PRSS55: variants seen among roughly 807,000 people sequenced by gnomAD.
The protein encoded by PRSS55 is probable serine protease UNQ9391/PRO34284.
Under a neutral mutation model 23.6 loss-of-function variants are expected in PRSS55, and 41 were observed. The observed-to-expected ratio is 1.74, with a 90% CI of 1.35 to 2.26. The LOEUF is 2.26. Among genes scored for constraint, PRSS55 ranks in the 30% most tolerant of loss-of-function variants. PRSS55 has a pLI of 0.00. For missense variants in PRSS55, 669 were observed against 439.1 expected (o/e 1.52, Z -4.68); for synonymous variants, 262 against 175.5 (o/e 1.49, Z -3.90).
rs1813003847 is a variant in PRSS55, at chr8:10,553,885, A to G, written c.742-58A>G. The G allele has an allele frequency of 9.3e-6, 11 of 1,188,004 alleles. No individual in the cohort carries two copies. In the South Asian group the frequency reaches 1.4e-4, roughly 16 times the overall value. The allele number at this position is 1,188,004 out of a possible 1,614,324, so 73.6% of individuals were successfully genotyped here. A position where few individuals can be genotyped will look rare whatever the true frequency, so the allele number is the denominator to read the frequency against. Reference sequence around the variant, plus strand: ...ATGTATACATAAATCAAAGCACCACATTGTACAATAAATACATAAAATTTT... The same window carrying G: ...ATGTATACATAAATCAAAGCACCACGTTGTACAATAAATACATAAAATTTT... On this transcript the variant is annotated intron_variant, in intron 4 of 4. Transcript: ENST00000522210.
At chr8:10,527,877 G>C (rs745597096) in intron 1 of PRSS55, among the ~76,000 whole-genome samples, 7 of 152,350 alleles carry the variant, frequency 4.6e-5, no homozygotes, top group African/African-American at 1.7e-4. Flanking sequence ...CGCACAGTAA[G>C]CATCATATGT....
chr8:10,547,413 C>G (rs1585895083), intron 4 of PRSS55: 2 of 152,512 alleles, frequency 1.3e-5, no homozygotes, highest in African/African-American at 4.8e-5. Flanking sequence ...CTAGACTTAT[C>G]CCCACCCCGC....
At position 10,531,391 on chromosome 8, in the gene PRSS55, T is replaced by A. The variant is rs544801985; in HGVS notation, c.444T>A (p.Phe148Leu). ...EVASIILHKD[F>L]KRANMDNDIA... The stretch of plus-strand genomic sequence containing the variant: ...CCAGCATCATTCTTCACAAAGACTT[T>A]AAGAGAGCCAACATGGACAATGACA... The change falls in exon 3 of 5, where the codon TTT becomes TTA. Residue 148 changes from phenylalanine to leucine, a missense_variant. Phe to Leu is a conservative substitution (Grantham distance 22, BLOSUM62 0). Coordinates refer to ENST00000328655, the MANE Select transcript of PRSS55 (RefSeq NM_198464.4). 1.7e-5 allele frequency: 27 copies of A among 1,614,230 alleles called. No individual in the cohort carries two copies. The South Asian group carries it at 3.0e-4, about 18-fold the overall frequency.
At chr8:10,540,389 G>C (rs1386916202), downstream of PRSS55, 2 of 152,242 alleles carry the variant, frequency 1.3e-5, no homozygotes, top group Non-Finnish European at 2.9e-5. Flanking sequence ...CCTACAGCCT[G>C]GCTGAGTGTT....
chr8:10,550,315 C>A (rs1413315876), intron 4 of PRSS55, among the ~76,000 whole-genome samples: 1 of 152,180 alleles, frequency 6.6e-6, no homozygotes, highest in Non-Finnish European at 1.5e-5. Context: ...GAACTCCCAG[C>A]TCCTGAAATG....
At chr8:10,551,141 C>T (rs571980660) in intron 4 of PRSS55, among the ~76,000 whole-genome samples, 1 of 152,308 alleles carries the variant, frequency 6.6e-6, no homozygotes, top group Admixed American at 6.5e-5. Context: ...GAAGGATATC[C>T]TTTAAAAGCT....
downstream of PRSS55, among the ~76,000 whole-genome samples, chr8:10,542,957 T>C (rs1193776239): frequency 6.6e-6 from 1 of 152,048 alleles, no homozygotes; most frequent in African/African-American, 2.4e-5. Context: ...GTGGCTGTTT[T>C]GTCTGCTCTG....
rs904188552 is a variant in PRSS55 at position 10,532,808 on chromosome 8, G to C, written c.599-98G>C. ...AGAGCCTGTGAAGGAAGGGGATGGG[G>C]GCTGGGGGACACAGGGCCGAGGGCA... On this transcript the variant is annotated intron_variant, in intron 3 of 4. Coordinates refer to ENST00000328655, the MANE Select transcript of PRSS55 (RefSeq NM_198464.4). 7 of 1,479,560 alleles carry C rather than the reference G, an allele frequency of 4.7e-6. No individual in the cohort carries two copies. The East Asian group carries it at 1.1e-4, about 24-fold the overall frequency. 91.7% of individuals were successfully genotyped at this position (1,479,560 alleles called of 1,614,324 possible).
chr8:10,545,566 G>C (rs963481300), intron 4 of PRSS55, among the ~76,000 whole-genome samples: 1 of 152,178 alleles, frequency 6.6e-6, no homozygotes, highest in African/African-American at 2.4e-5. Context: ...CACTTCAGAA[G>C]CATTTCCCTA....
intron 2 of PRSS55, among the ~76,000 whole-genome samples, chr8:10,530,238 G>A (rs971278433): frequency 6.6e-6 from 1 of 152,260 alleles, no homozygotes; most frequent in Non-Finnish European, 1.5e-5. Context: ...GGGAGGCTGA[G>A]GCAGGTGGAT....
intron 4 of PRSS55, 28 bp from the exon 5 acceptor site, chr8:10,538,448 C>A: frequency 6.4e-7 from 1 of 1,553,854 alleles, no homozygotes; most frequent in Non-Finnish European, 8.8e-7. Context: ...AACCGGACTC[C>A]CTGCTGAGCT....
intron 4 of PRSS55, among the ~76,000 whole-genome samples, chr8:10,533,523 T>C (rs900419641): frequency 2.0e-5 from 3 of 152,224 alleles, no homozygotes; most frequent in African/African-American, 7.2e-5. Context: ...GGGTGTTGCA[T>C]GTGGGTTTCA....
At chr8:10,543,570 T>C (rs556304742), downstream of PRSS55, among the ~76,000 whole-genome samples, 1 of 151,536 alleles carries the variant, frequency 6.6e-6, no homozygotes, top group South Asian at 2.1e-4. Flanking sequence ...TGTCCCTATC[T>C]TCCCCTTTCC....
intron 4 of PRSS55, among the ~76,000 whole-genome samples, chr8:10,537,740 ATTAATT>A (rs557851371): frequency 3.9e-5 from 6 of 152,360 alleles, no homozygotes; most frequent in Non-Finnish European, 7.3e-5. Context: ...ACCCATAATA[ATTAATT>A]TAAAATTAAT....
In PRSS55 at chr8:10,529,519, G is replaced by C. The variant is rs377144084; in HGVS notation, c.167G>C (p.Arg56Thr). ...PPSPVSECGD[R>T]SIFEGRTRYS... ...TTCTTTCCACCAGAATGTGGTGACA[G>C]ATCTATTTTCGAGGGAAGAACTCGG... Residue 56 changes from arginine (R) to threonine (T), a missense_variant, in exon 2 of 5, where the codon AGA becomes ACA. Coordinates refer to ENST00000328655, the MANE Select transcript of PRSS55 (RefSeq NM_198464.4). 6.2e-7 allele frequency: 1 copy of C among 1,614,180 alleles called. No homozygotes were observed. Among genetic ancestry groups the C allele is most frequent in the Non-Finnish European group, 8.5e-7 (1 of 1,179,998 alleles).
At chr8:10,530,773 C>T (rs763772957) in intron 2 of PRSS55, among the ~76,000 whole-genome samples, 67 of 152,312 alleles carry the variant, frequency 4.4e-4, no homozygotes, top group Non-Finnish European at 9.1e-4. Flanking sequence ...CTTTGTGGCA[C>T]CCGCTGTCGT....
chr8:10,553,955 C>T (rs1173930156), exon 5 of PRSS55: 8 of 1,522,078 alleles, frequency 5.3e-6, no homozygotes, highest in East Asian at 2.5e-5. Context: ...AAGCTATTTT[C>T]CCACTTTACA....
At chr8:10,526,304 G>T (rs1341256670) in intron 1 of PRSS55, among the ~76,000 whole-genome samples, 1 of 152,208 alleles carries the variant, frequency 6.6e-6, no homozygotes, top group African/African-American at 2.4e-5. Context: ...TGTGGATGAG[G>T]AACTCAAAGC....
At chr8:10,549,026 G>T (rs369688939) in intron 4 of PRSS55, among the ~76,000 whole-genome samples, 1 of 152,190 alleles carries the variant, frequency 6.6e-6, no homozygotes, top group Non-Finnish European at 1.5e-5. Flanking sequence ...GTATATACAG[G>T]CATAAGCTCA....
Sources: gnomAD v4.1 joint callset for allele counts (sites outside exome capture counted in the v4.1 genomes callset) on GRCh38, gnomAD v4.1.1 for gene constraint, MANE v1.5 for transcripts, NCBI Gene and HGNC (gene_info 2026-07-23, HGNC 2026-07-21) for gene names.